Variants in ITPK1 observed in about 807,000 individuals in gnomAD.
ITPK1 encodes the protein inositol-tetrakisphosphate 1-kinase, also known as inositol 1,3,4-trisphosphate 5/6-kinase.
ITPK1 carries 21 observed loss-of-function variants against 45.3 expected under a neutral mutation model. That is an observed-to-expected ratio of 0.46 (90% CI 0.33 to 0.67). The LOEUF (loss-of-function observed/expected upper bound fraction) is 0.67. Ranked by LOEUF, ITPK1 falls within the 30% of genes least tolerant of loss-of-function variation. The pLI, the probability that ITPK1 is intolerant of heterozygous loss-of-function variation, is 0.02. For missense variants in ITPK1, 474 were observed against 573.5 expected (o/e 0.83, Z 1.77); for synonymous variants, 258 against 253.6 (o/e 1.02, Z -0.16).
chr14:92,960,662 A>G (rs1027164183), intron 7 of ITPK1, among the ~76,000 whole-genome samples: 2 of 152,152 alleles, frequency 1.3e-5, no homozygotes, highest in African/African-American at 4.8e-5. Context: ...CACGTTAATA[A>G]CTACGCTCGT....
chr14:92,962,681 C>G, intron 6 of ITPK1, 70 bp downstream of exon 6: 2 of 1,213,382 alleles, frequency 1.6e-6, no homozygotes, highest in Non-Finnish European at 2.4e-6. Context: ...CACTATAAAC[C>G]CAGCCCCTCC....
intron 2 of ITPK1, among the ~76,000 whole-genome samples, chr14:93,113,283 A>G (rs1052117281): frequency 6.6e-6 from 1 of 152,180 alleles, no homozygotes; most frequent in African/African-American, 2.4e-5. Context: ...ACCCCTTTAA[A>G]GGAAGAATGT....
chr14:93,092,247 C>T (rs961127795), intron 2 of ITPK1, among the ~76,000 whole-genome samples: 1 of 152,180 alleles, frequency 6.6e-6, no homozygotes, highest in Non-Finnish European at 1.5e-5. Context: ...TACCACAGCC[C>T]CACGCCAAAG....
chr14:92,993,345 A>G (rs931938470), intron 5 of ITPK1, among the ~76,000 whole-genome samples: 37 of 152,252 alleles, frequency 2.4e-4, no homozygotes, highest in East Asian at 7.7e-4. Context: ...TGCCTGCCCA[A>G]GGGGTGGGGA....
chr14:92,992,722 A>G (rs1886849411), intron 5 of ITPK1, among the ~76,000 whole-genome samples: 1 of 152,250 alleles, frequency 6.6e-6, no homozygotes, highest in African/African-American at 2.4e-5. Flanking sequence ...CATGGACATG[A>G]AAGTCAAGCT....
At chr14:93,100,709 C>T (rs1892281957) in intron 2 of ITPK1, among the ~76,000 whole-genome samples, 1 of 152,176 alleles carries the variant, frequency 6.6e-6, no homozygotes, top group Non-Finnish European at 1.5e-5. Flanking sequence ...ACTGAGGCTC[C>T]TGTCAGAACC....
chr14:92,991,747 C>T (rs1217471408), intron 5 of ITPK1, among the ~76,000 whole-genome samples: 2 of 151,708 alleles, frequency 1.3e-5, no homozygotes, highest in African/African-American at 4.8e-5. Context: ...GTGCACACAC[C>T]CACCCTGAGC....
intron 4 of ITPK1, among the ~76,000 whole-genome samples, chr14:93,010,477 G>A (rs1887836018): frequency 6.6e-6 from 1 of 152,246 alleles, no homozygotes; most frequent in South Asian, 2.1e-4. Context: ...TCCCTATGCG[G>A]TAGGCAAGGG....
At chr14:93,115,380 C>T (rs1445212171) in intron 1 of ITPK1, 75 bp from the exon 2 acceptor site, 1 of 179,938 alleles carries the variant, frequency 5.6e-6, no homozygotes, top group African/African-American at 2.4e-5. Context: ...CGCGGAAGGC[C>T]ACTGGCTGGG....
chr14:92,962,624 C>A (rs2139742711), intron 6 of ITPK1, 127 bp downstream of exon 6: 1 of 815,644 alleles, frequency 1.2e-6, no homozygotes, highest in East Asian at 2.5e-5. Context: ...AGGTGGGACC[C>A]AGGGCCATGT....
In ITPK1 at chr14:92,958,515, G is replaced by C; in HGVS notation, c.505-149C>G. ...ACTCCCCTAGAGGAGCCTTGAGCCAGGGTGAGTGGAGTGGGACTTGTGAAG... is the reference window on the plus strand; with the variant it reads ...ACTCCCCTAGAGGAGCCTTGAGCCACGGTGAGTGGAGTGGGACTTGTGAAG... On this transcript the variant is annotated intron_variant, in intron 7 of 10. Coordinates refer to ENST00000267615, the MANE Select transcript of ITPK1 (RefSeq NM_014216.6). This position sits in a 1 kb window ranked among gnomAD's most constrained non-coding sequence, Gnocchi z 4.4. 1.4e-6 allele frequency: 1 copy of C among 700,766 alleles called. No homozygotes were observed. The highest frequency in any genetic ancestry group is 2.4e-6 in the Non-Finnish European group (1 of 417,962). The allele number at this position is 700,766 out of a possible 1,614,324, so 43.4% of individuals were successfully genotyped here.
At chr14:93,075,845 C>T (rs947962597) in intron 3 of ITPK1, among the ~76,000 whole-genome samples, 1 of 146,168 alleles carries the variant, frequency 6.8e-6, no homozygotes, top group African/African-American at 2.7e-5. Context: ...GGGATGCCAG[C>T]CCAGCTGCAC....
At chr14:93,067,009 C>A (rs1219765108) in intron 3 of ITPK1, among the ~76,000 whole-genome samples, 1 of 152,190 alleles carries the variant, frequency 6.6e-6, no homozygotes, top group Non-Finnish European at 1.5e-5. Flanking sequence ...TCTCCATCTG[C>A]ACCCAGATTC....
chr14:93,089,350 G>A (rs1242800012), intron 2 of ITPK1, among the ~76,000 whole-genome samples: 1 of 152,130 alleles, frequency 6.6e-6, no homozygotes, highest in Non-Finnish European at 1.5e-5. Flanking sequence ...CTCTCCACAC[G>A]GTTGACAGTC....
At chr14:93,070,230 G>A (rs1412864763) in intron 3 of ITPK1, 3 of 152,474 alleles carry the variant, frequency 2.0e-5, no homozygotes, top group African/African-American at 7.2e-5. Context: ...GTCCAGGCTG[G>A]AGGGGGCCCG....
At chr14:92,954,663 AG>A (rs1252480619) in intron 8 of ITPK1, among the ~76,000 whole-genome samples, 7 of 152,232 alleles carry the variant, frequency 4.6e-5, no homozygotes, top group Non-Finnish European at 1.0e-4. Flanking sequence ...TGATAAGATT[AG>A]CCCCCAAACA....
intron 10 of ITPK1, among the ~76,000 whole-genome samples, chr14:92,944,635 C>T (rs1316104615): frequency 4.6e-5 from 7 of 152,212 alleles, no homozygotes; most frequent in Admixed American, 4.6e-4. Flanking sequence ...CCTGGCCCTC[C>T]AGCCACTGAC....
intron 2 of ITPK1, among the ~76,000 whole-genome samples, chr14:93,082,257 G>A (rs1461991665): frequency 1.3e-5 from 2 of 152,222 alleles, no homozygotes; most frequent in Non-Finnish European, 2.9e-5. Context: ...GCCAGGCCCA[G>A]GAGACGAGAG....
At chr14:92,952,794 A>C (rs765942590) in intron 8 of ITPK1, among the ~76,000 whole-genome samples, 11 of 152,250 alleles carry the variant, frequency 7.2e-5, no homozygotes, top group Non-Finnish European at 1.2e-4. Context: ...GGAGTAAGCC[A>C]AAGTCACTTG....
Sources: allele counts gnomAD v4.1 joint callset (sites outside exome capture counted in the v4.1 genomes callset), GRCh38; gene constraint gnomAD v4.1.1; non-coding constraint Gnocchi (gnomAD v3.1); transcripts MANE v1.5; gene names NCBI Gene and HGNC (gene_info 2026-07-23, HGNC 2026-07-21).